The following PCDH15 variants were observed in gnomAD, a reference collection of about 807,000 sequenced individuals.
PCDH15 encodes the protein protocadherin related 15, also known as protocadherin-15.
In PCDH15, 129 loss-of-function variants were observed where a neutral mutation model predicts 178.5. The observed-to-expected ratio is 0.72, with a 90% CI of 0.63 to 0.84. The LOEUF (loss-of-function observed/expected upper bound fraction) is 0.84, where lower values mean the gene tolerates loss of function less well. Ranked by LOEUF, PCDH15 falls within the 40% of genes least tolerant of loss-of-function variation. PCDH15 has a pLI of 0.00. For synonymous variants in PCDH15, 800 were observed against 732.0 expected (o/e 1.09, Z -1.50); for missense variants, 2,230 against 2,099.9 (o/e 1.06, Z -1.21).
intron 2 of PCDH15, among the ~76,000 whole-genome samples, chr10:55,352,120 A>C (rs1844953850): frequency 6.6e-6 from 1 of 152,146 alleles, no homozygotes; most frequent in Admixed American, 6.6e-5. Flanking sequence ...GTGCAAAAAT[A>C]ATTGCAGTTT....
At chr10:54,032,801 G>A (rs1254094627) in intron 18 of PCDH15, among the ~76,000 whole-genome samples, 2 of 152,010 alleles carry the variant, frequency 1.3e-5, no homozygotes, top group Non-Finnish European at 2.9e-5. Context: ...AAATGAAAGA[G>A]GTTTAATTGA....
intron 3 of PCDH15, among the ~76,000 whole-genome samples, chr10:54,877,763 T>C (rs1393405290): frequency 6.6e-6 from 1 of 152,194 alleles, no homozygotes; most frequent in East Asian, 1.9e-4. Context: ...ATCCCTTCCA[T>C]TACCAGCCCT....
chr10:55,001,769 G>T (rs762762717), intron 2 of PCDH15, among the ~76,000 whole-genome samples: 41 of 152,184 alleles, frequency 2.7e-4, no homozygotes, highest in Non-Finnish European at 5.0e-4. Context: ...AATGAGCCCA[G>T]TGAGCCCAAG....
chr10:55,010,149 T>C (rs1840017742), intron 2 of PCDH15, among the ~76,000 whole-genome samples: 1 of 151,934 alleles, frequency 6.6e-6, no homozygotes, highest in South Asian at 2.1e-4. Context: ...CAGAAACCCA[T>C]TATGCACCAG....
rs541734717 is a variant in PCDH15 at position 54,366,182 on chromosome 10, T to A, written c.474+2938A>T. 1.8e-4 allele frequency among the ~76,000 whole-genome samples: 28 copies of A among 152,120 alleles called. No homozygotes were observed. The South Asian group carries it at 5.4e-3, about 29-fold the overall frequency. ...GTTTTCTCATGGTGAATAAAAAGAG[T>A]GACTAATCAGGACTTTAATTTTGGA... On this transcript the variant is annotated intron_variant, in intron 5 of 37. Transcript: ENST00000644397.
At chr10:55,282,869 C>A (rs1274368133) in intron 1 of PCDH15, among the ~76,000 whole-genome samples, 2 of 152,098 alleles carry the variant, frequency 1.3e-5, no homozygotes, top group African/African-American at 2.4e-5. Context: ...CTGACCTAAC[C>A]AACCCCATTT....
chr10:53,839,602 T>C (rs968387416), intron 29 of PCDH15, among the ~76,000 whole-genome samples: 2 of 152,088 alleles, frequency 1.3e-5, no homozygotes, highest in African/African-American at 4.8e-5. Flanking sequence ...AAATGTTTCA[T>C]TGAGATAGAA....
At chr10:53,851,557 G>A (rs1367362501) in intron 28 of PCDH15, among the ~76,000 whole-genome samples, 1 of 150,612 alleles carries the variant, frequency 6.6e-6, no homozygotes, top group African/African-American at 2.4e-5. Flanking sequence ...ACAAAAAGGA[G>A]CTCAAACTTT....
chr10:54,044,433 A>G (rs1286851266), intron 18 of PCDH15, among the ~76,000 whole-genome samples: 1 of 152,080 alleles, frequency 6.6e-6, no homozygotes, highest in Non-Finnish European at 1.5e-5. Context: ...TTCTGAAGCA[A>G]TATAGAAAGG....
intron 9 of PCDH15, among the ~76,000 whole-genome samples, chr10:54,217,355 G>A (rs904137576): frequency 2.0e-5 from 3 of 152,138 alleles, no homozygotes; most frequent in Admixed American, 6.5e-5. Flanking sequence ...TGTAATATAG[G>A]TGAAGTACCA....
intron 1 of PCDH15, among the ~76,000 whole-genome samples, chr10:55,224,919 T>G (rs78343088): frequency 0.017 from 2,647 of 152,188 alleles, 48 homozygotes; most frequent in African/African-American, 0.034. Flanking sequence ...ATTCTCATCT[T>G]GAAAAGCAGA....
At chr10:54,040,161 A>T (rs1462546681) in intron 18 of PCDH15, among the ~76,000 whole-genome samples, 1 of 152,070 alleles carries the variant, frequency 6.6e-6, no homozygotes, top group Non-Finnish European at 1.5e-5. Flanking sequence ...AAAATATGAC[A>T]AATGATGCCA....
chr10:54,076,746 A>C (rs1314639916), intron 17 of PCDH15, among the ~76,000 whole-genome samples: 1 of 152,106 alleles, frequency 6.6e-6, no homozygotes, highest in Non-Finnish European at 1.5e-5. Flanking sequence ...AAATAAACTC[A>C]CAATGACCAA....
At chr10:54,057,161 G>C (rs576127613) in intron 18 of PCDH15, among the ~76,000 whole-genome samples, 2 of 152,184 alleles carry the variant, frequency 1.3e-5, no homozygotes, top group Non-Finnish European at 2.9e-5. Flanking sequence ...CAAAGTGCAA[G>C]CTGTCAGTGG....
At chr10:53,824,215 G>A (rs1228107362) in intron 32 of PCDH15, among the ~76,000 whole-genome samples, 1 of 151,996 alleles carries the variant, frequency 6.6e-6, no homozygotes, top group Non-Finnish European at 1.5e-5. Context: ...ATAGGTAGTT[G>A]TGAGTCATAA....
chr10:54,457,695 T>TA (rs993712798), intron 3 of PCDH15, among the ~76,000 whole-genome samples: 2 of 152,176 alleles, frequency 1.3e-5, no homozygotes, highest in African/African-American at 4.8e-5. Flanking sequence ...CAATATTTTT[T>TA]AAAATACTTA....
intron 2 of PCDH15, among the ~76,000 whole-genome samples, chr10:55,486,906 T>C (rs1354071636): frequency 2.0e-5 from 3 of 151,574 alleles, no homozygotes; most frequent in Non-Finnish European, 4.4e-5. Flanking sequence ...CAAGAACCAA[T>C]ATTTTATGGG....
chr10:55,083,331 A>G (rs1335847837), intron 2 of PCDH15, among the ~76,000 whole-genome samples: 2 of 151,950 alleles, frequency 1.3e-5, no homozygotes, highest in African/African-American at 4.8e-5. Context: ...ATGCTGAAAT[A>G]CTGAAAAAAT....
intron 2 of PCDH15, among the ~76,000 whole-genome samples, chr10:55,370,017 A>C: frequency 6.6e-6 from 1 of 152,210 alleles, no homozygotes; most frequent in Middle Eastern, 3.4e-3. Flanking sequence ...TGATCACAGA[A>C]AATAACTTGA....
Sources: gnomAD v4.1 joint callset for allele counts (sites outside exome capture counted in the v4.1 genomes callset) on GRCh38, gnomAD v4.1.1 for gene constraint, MANE v1.5 for transcripts, NCBI Gene and HGNC (gene_info 2026-07-23, HGNC 2026-07-21) for gene names.